The following DIS3L2 variants were observed in gnomAD, a reference collection of about 807,000 sequenced individuals.
DIS3L2 encodes DIS3 like 3'-5' exoribonuclease 2, also known as DIS3-like exonuclease 2.
In DIS3L2, 34 loss-of-function variants were observed where a neutral mutation model predicts 97.5. That is an observed-to-expected ratio of 0.35 (90% confidence interval 0.27 to 0.46). The LOEUF (loss-of-function observed/expected upper bound fraction) is 0.46, where lower values mean the gene tolerates loss of function less well. Among genes scored for constraint, DIS3L2 ranks in the 20% least tolerant of loss-of-function variants. DIS3L2 has a pLI of 1.00. For synonymous variants in DIS3L2, 435 were observed against 445.2 expected, an observed-to-expected ratio of 0.98 and a Z score of 0.29; for missense variants, 1,038 against 1,146.0, an observed-to-expected ratio of 0.91 and a Z score of 1.36.
rs142118818 is a variant in DIS3L2 at position 232,031,496 on chromosome 2, C to CTT, written c.366+1430_366+1431dup. On this transcript the variant is annotated intron_variant, in intron 5 of 20. Transcript: ENST00000325385. ...ATTAGTGCTGTGAAGTGCAGGGTTT[C>CTT]TTTTTTTTTTTTTTTATATTATACC... 8.1e-3 allele frequency among the ~76,000 whole-genome samples: 1,104 copies of CTT among 135,792 alleles called. 11 individuals are homozygous for CTT. The highest frequency in any genetic ancestry group is 0.026 in the African/African-American group (961 of 37,410). The allele number at this position is 135,792 out of a possible 152,430, so 89.1% of individuals were successfully genotyped here. A position where few individuals can be genotyped will look rare whatever the true frequency, so the allele number is the denominator to read the frequency against.
At chr2:232,106,191 A>G (rs1055246891) in intron 6 of DIS3L2, among the ~76,000 whole-genome samples, 1 of 152,144 alleles carries the variant, frequency 6.6e-6, no homozygotes, top group South Asian at 2.1e-4. Flanking sequence ...TTACAATTAC[A>G]TTACATTGCC....
At chr2:232,163,688 T>C in intron 9 of DIS3L2, 56 bp downstream of exon 9, 1 of 1,552,274 alleles carries the variant, frequency 6.4e-7, no homozygotes, top group Non-Finnish European at 8.7e-7. Context: ...TTAACTTTCC[T>C]AGGGGCTAGG....
At chr2:232,053,030 C>A (rs766565800) in intron 5 of DIS3L2, among the ~76,000 whole-genome samples, 3 of 152,194 alleles carry the variant, frequency 2.0e-5, no homozygotes, top group Non-Finnish European at 4.4e-5. Flanking sequence ...ACATAGATTT[C>A]TTTGTGAGAT....
At chr2:232,311,615 A>G (rs1009768140) in intron 14 of DIS3L2, among the ~76,000 whole-genome samples, 2 of 152,156 alleles carry the variant, frequency 1.3e-5, no homozygotes, top group Non-Finnish European at 2.9e-5. Flanking sequence ...GGAGCCTCCC[A>G]TGTGCCCCTC....
chr2:232,242,550 AG>A, intron 11 of DIS3L2, among the ~76,000 whole-genome samples: 1 of 152,316 alleles, frequency 6.6e-6, no homozygotes, highest in East Asian at 1.9e-4. Context: ...TGTTGGTCAC[AG>A]GGCTGTCCTG....
chr2:232,005,170 A>ATTT (rs55757645), intron 1 of DIS3L2, among the ~76,000 whole-genome samples: 61,995 of 125,926 alleles, frequency 0.49, 15,741 homozygotes, highest in East Asian at 0.65. Flanking sequence ...AAGAATCTTG[A>ATTT]TTTTTTTTTT....
intron 14 of DIS3L2, among the ~76,000 whole-genome samples, chr2:232,308,816 C>T (rs547726228): frequency 3.3e-5 from 5 of 152,196 alleles, no homozygotes; most frequent in East Asian, 1.9e-4. Context: ...TGGCATCCCC[C>T]GGGGTCTCAG....
chr2:232,336,956 T>C lies in DIS3L2; in HGVS notation c.*326T>C. On this transcript the variant is annotated 3_prime_UTR_variant, in exon 21 of 21. Transcript: ENST00000325385. ...GTTTCAGCAACTCAGTGTCACAGAA[T>C]AAAATCAAGTGTGGAGTGCCATCTG... The C allele has an allele frequency of 8.5e-7, 1 of 1,170,148 alleles. No individual in the cohort carries two copies. Among genetic ancestry groups the C allele is most frequent in the African/African-American group, 1.6e-5 (1 of 61,400 alleles). The allele number at this position is 1,170,148 out of a possible 1,614,324, so 72.5% of individuals were successfully genotyped here.
chr2:232,079,935 G>A (rs1425662902), intron 5 of DIS3L2, among the ~76,000 whole-genome samples: 2 of 152,210 alleles, frequency 1.3e-5, no homozygotes, highest in Non-Finnish European at 2.9e-5. Context: ...TCTTGATAAG[G>A]CCTTGTAGCA....
At chr2:232,288,767 C>T (rs761941332) in intron 13 of DIS3L2, among the ~76,000 whole-genome samples, 7 of 152,178 alleles carry the variant, frequency 4.6e-5, no homozygotes, top group Non-Finnish European at 7.3e-5. Context: ...GTCATTGTTT[C>T]ATCAGTCTGT....
chr2:232,056,803 T>A (rs1695560582), intron 5 of DIS3L2, among the ~76,000 whole-genome samples: 1 of 152,240 alleles, frequency 6.6e-6, no homozygotes. Context: ...GTAGAGTAAC[T>A]GGAATTCTCA....
chr2:232,334,384 T>A lies in DIS3L2; in HGVS notation c.2174T>A (p.Leu725Gln), dbSNP rs1428428367. 1 of 1,613,528 alleles carries A rather than the reference T, an allele frequency of 6.2e-7. No individual in the cohort carries two copies. The highest frequency in any genetic ancestry group is 1.1e-5 in the South Asian group (1 of 91,072). The change falls in exon 18 of 21, where the codon CTA (leucine) becomes CAA (glutamine). Residue 725 changes from leucine to glutamine, a missense_variant. Around this residue, in one of 3 missense-constraint regions of DIS3L2, gnomAD observed 221 missense variants for 246.9 expected, o/e 0.90. Coordinates refer to ENST00000325385, the MANE Select transcript of DIS3L2 (RefSeq NM_152383.5). ...LAAALGYRER[L>Q]DMAPDTLQKQ... ...CTCTTCCCAGGCTATAGGGAGCGAC[T>A]AGACATGGCGCCCGATACCCTGCAG...
Position 232,130,605 on chromosome 2 carries a change from T to C in DIS3L2, c.602-14T>C. ...GTTGATGACTCCTCTTCTCTCTTTA[T>C]CTTTTTAATGTAGGAAGAGAGGATG... is the stretch of plus-strand genomic sequence containing the variant. On this transcript the variant is annotated splice_polypyrimidine_tract_variant and intron_variant, in intron 6 of 20. Transcript: ENST00000325385. 1 of 1,603,892 alleles carries C rather than the reference T, an allele frequency of 6.2e-7. No individual in the cohort carries two copies. Among genetic ancestry groups the C allele is most frequent in the Non-Finnish European group, 8.5e-7 (1 of 1,176,160 alleles).
chr2:232,032,018 T>C (rs567066924), intron 5 of DIS3L2, among the ~76,000 whole-genome samples: 1 of 152,348 alleles, frequency 6.6e-6, no homozygotes, highest in East Asian at 1.9e-4. Context: ...CCTTTGGGTA[T>C]ATACACAGTA....
intron 9 of DIS3L2, among the ~76,000 whole-genome samples, chr2:232,205,237 T>TATATATATATATATATATAA (rs1553615767): frequency 1.4e-5 from 2 of 141,404 alleles, no homozygotes; most frequent in African/African-American, 5.3e-5. Flanking sequence ...TATATATATA[T>TATATATATATATATATATAA]AAAATGCAGT....
chr2:232,024,196 C>T (rs1191424035), intron 3 of DIS3L2, 81 bp from the exon 4 acceptor site: 2 of 1,068,348 alleles, frequency 1.9e-6, no homozygotes, highest in Non-Finnish European at 2.7e-6. Context: ...AATTTTAAAA[C>T]TTTTTATTGG....
chr2:232,250,155 T>TGCAG (rs1693380515), intron 12 of DIS3L2, among the ~76,000 whole-genome samples: 2 of 152,096 alleles, frequency 1.3e-5, no homozygotes, highest in African/African-American at 2.4e-5. Context: ...GTGGAATATA[T>TGCAG]GCAGTTATTA....
chr2:232,130,496 T>C, intron 6 of DIS3L2, 123 bp from the exon 7 acceptor site: 1 of 1,206,804 alleles, frequency 8.3e-7, no homozygotes, highest in Non-Finnish European at 1.1e-6. Context: ...GGGGTTCTTC[T>C]GTAAAGTGAG....
At chr2:232,339,147 G>GA (rs779040547), downstream of DIS3L2, among the ~76,000 whole-genome samples, 15 of 152,240 alleles carry the variant, frequency 9.9e-5, no homozygotes, top group Non-Finnish European at 1.5e-4. Context: ...CCCTCCTGGG[G>GA]AGAGACTGAC....
Sources: gnomAD v4.1 joint callset for allele counts (sites outside exome capture counted in the v4.1 genomes callset) on GRCh38, gnomAD v4.1.1 for gene constraint, gnomAD v4.1.1 regional missense constraint, MANE v1.5 for transcripts, NCBI Gene and HGNC (gene_info 2026-07-23, HGNC 2026-07-21) for gene names.